The following TGFBR2 variants were observed in gnomAD, a reference collection of about 807,000 sequenced individuals.
The protein encoded by TGFBR2 is transforming growth factor beta receptor 2, also known as TGF-beta receptor type-2.
A neutral mutation model predicts 49.0 loss-of-function variants in TGFBR2; 18 were observed. That is an observed-to-expected ratio of 0.37 (90% CI 0.25 to 0.54). The LOEUF is 0.54. Ranked by LOEUF, TGFBR2 falls within the 20% of genes least tolerant of loss-of-function variation. The pLI is 0.85. For missense variants in TGFBR2, 525 were observed against 722.6 expected (o/e 0.73, Z 3.13); for synonymous variants, 282 against 275.9 (o/e 1.02, Z -0.22).
At chr3:30,667,307 C>T (rs1351775458) in intron 3 of TGFBR2, among the ~76,000 whole-genome samples, 1 of 152,172 alleles carries the variant, frequency 6.6e-6, no homozygotes, top group Non-Finnish European at 1.5e-5. Flanking sequence ...GAGATGCTGG[C>T]TTGTACCTAC....
At chr3:30,650,618 C>T (rs1698865246) in intron 3 of TGFBR2, among the ~76,000 whole-genome samples, 158 bp downstream of exon 3, 1 of 152,114 alleles carries the variant, frequency 6.6e-6, no homozygotes, top group Admixed American at 6.5e-5. Context: ...TGGGGAGTAG[C>T]AGGGTTTGTT....
chr3:30,652,919 GTCTT>G (rs1194061194), intron 3 of TGFBR2, among the ~76,000 whole-genome samples: 5 of 152,138 alleles, frequency 3.3e-5, no homozygotes, highest in Non-Finnish European at 7.3e-5. Context: ...CATTTTCAGA[GTCTT>G]TCAACTCAAG....
intron 1 of TGFBR2, among the ~76,000 whole-genome samples, chr3:30,615,310 G>T (rs532790300): frequency 6.6e-6 from 1 of 152,214 alleles, no homozygotes; most frequent in Admixed American, 6.5e-5. Context: ...TCTAGGAGAG[G>T]CCCTGGCAAT....
chr3:30,644,849 C>G lies in TGFBR2; in HGVS notation c.197C>G (p.Ser66Cys), dbSNP rs1301512235. The G allele has an allele frequency of 6.2e-7, 1 of 1,614,156 alleles. No homozygotes were observed. ...TTTTCCACCTGTGACAACCAGAAATCCTGCATGAGCAACTGCAGCATCACC... is the reference window on the plus strand; with the variant it reads ...TTTTCCACCTGTGACAACCAGAAATGCTGCATGAGCAACTGCAGCATCACC... ...VRFSTCDNQK[S>C]CMSNCSITSI... Residue 66 changes from serine (S) to cysteine (C), a missense_variant, in exon 2 of 7, where the codon TCC (serine) becomes TGC (cysteine). Coordinates refer to ENST00000295754, the MANE Select transcript of TGFBR2 (RefSeq NM_003242.6).
chr3:30,638,480 A>C (rs1024528329), intron 1 of TGFBR2, among the ~76,000 whole-genome samples: 3 of 152,198 alleles, frequency 2.0e-5, no homozygotes, highest in Non-Finnish European at 4.4e-5. Context: ...TTGGTACCCC[A>C]GAGACCATGT....
intron 1 of TGFBR2, among the ~76,000 whole-genome samples, chr3:30,632,460 A>G (rs1478252886): frequency 6.6e-6 from 1 of 152,230 alleles, no homozygotes; most frequent in Admixed American, 6.5e-5. Context: ...TATTGTAACG[A>G]TGATTGATTC....
rs532985595 is a variant in TGFBR2, at chr3:30,642,047, G to A, written c.95-2700G>A. ...ACTTGCATTTGTCAATACATCTGTG[G>A]CCACCACTGCTCCCAGCACCCATCT... On this transcript the variant is annotated intron_variant, in intron 1 of 6. Transcript: ENST00000295754. Among the ~76,000 whole-genome samples the A allele has an allele frequency of 3.3e-5, 5 of 152,040 alleles. No homozygotes were observed. In the South Asian group the frequency reaches 1.0e-3, roughly 32 times the overall value.
chr3:30,648,416 A>G (rs949357909), intron 2 of TGFBR2, among the ~76,000 whole-genome samples: 3 of 127,614 alleles, frequency 2.4e-5, no homozygotes, highest in Admixed American at 8.3e-5. Flanking sequence ...ACCAAAAACA[A>G]CCTACACACA....
intron 2 of TGFBR2, among the ~76,000 whole-genome samples, chr3:30,645,542 A>G (rs1698715572): frequency 6.9e-6 from 1 of 145,896 alleles, no homozygotes; most frequent in African/African-American, 2.6e-5. Flanking sequence ...CTAGAGTGCC[A>G]TGGCACAATC....
At chr3:30,642,165 C>T (rs1698658881) in intron 1 of TGFBR2, among the ~76,000 whole-genome samples, 1 of 152,072 alleles carries the variant, frequency 6.6e-6, no homozygotes, top group African/African-American at 2.4e-5. Context: ...CTGGCCAGCA[C>T]GGAGAAGAAT....
At chr3:30,622,940 A>G (rs1698260779) in intron 1 of TGFBR2, among the ~76,000 whole-genome samples, 2 of 151,272 alleles carry the variant, frequency 1.3e-5, no homozygotes, top group African/African-American at 2.4e-5. Context: ...AAGAGAAACT[A>G]GTACCAGGAA....
At position 30,611,582 on chromosome 3, in the gene TGFBR2, C is replaced by CTT. The variant is rs747840989; in HGVS notation, c.94+4618_94+4619dup. 1.5e-4 allele frequency among the ~76,000 whole-genome samples: 21 copies of CTT among 141,898 alleles called. 1 individual carries two copies. The highest frequency in any genetic ancestry group is 1.4e-3 in the East Asian group (7 of 4,938). 93.1% of individuals were successfully genotyped at this position (141,898 alleles called of 152,430 possible). A position where few individuals can be genotyped will look rare whatever the true frequency, so the allele number is the denominator to read the frequency against. ...AATTATCCAGTAGATACTGATTCCTCTTTTTTTTTTTTTTCATAGAAGGGT... is the reference window on the plus strand; with the variant it reads ...AATTATCCAGTAGATACTGATTCCTCTTTTTTTTTTTTTTTTCATAGAAGGGT... On this transcript the variant is annotated intron_variant, in intron 1 of 6. Coordinates refer to ENST00000295754, the MANE Select transcript of TGFBR2 (RefSeq NM_003242.6).
At chr3:30,615,322 T>C (rs186639951) in intron 1 of TGFBR2, among the ~76,000 whole-genome samples, 2 of 152,266 alleles carry the variant, frequency 1.3e-5, no homozygotes, top group East Asian at 1.9e-4. Context: ...CCTGGCAATG[T>C]GGTTAACAAG....
At chr3:30,659,194 A>G (rs1385527165) in intron 3 of TGFBR2, among the ~76,000 whole-genome samples, 1 of 152,238 alleles carries the variant, frequency 6.6e-6, no homozygotes, top group Admixed American at 6.5e-5. Flanking sequence ...TTCAAAAGAA[A>G]CAAACCAGAT....
At chr3:30,609,068 T>C (rs1433356914) in intron 1 of TGFBR2, among the ~76,000 whole-genome samples, 2 of 152,220 alleles carry the variant, frequency 1.3e-5, no homozygotes, top group African/African-American at 4.8e-5. Flanking sequence ...TTTTAAACAA[T>C]TAGCTTAAAA....
chr3:30,649,666 T>G (rs1409527210), intron 2 of TGFBR2, among the ~76,000 whole-genome samples: 1 of 152,222 alleles, frequency 6.6e-6, no homozygotes, highest in African/African-American at 2.4e-5. Context: ...TGGGAAAGAC[T>G]GCAGTTCTTT....
intron 1 of TGFBR2, among the ~76,000 whole-genome samples, chr3:30,617,082 GAAAAAAA>G (rs71093915): frequency 6.8e-6 from 1 of 147,120 alleles, no homozygotes; most frequent in Non-Finnish European, 1.5e-5. Context: ...TATTTTTTGG[GAAAAAAA>G]AAAAAGGAAA....
Position 30,650,380 on chromosome 3 carries a change from A to C in TGFBR2, c.374A>C (p.Glu125Ala). The C allele has an allele frequency of 6.6e-7, 1 of 1,524,304 alleles. No homozygotes were observed. Among genetic ancestry groups the C allele is most frequent in the Non-Finnish European group, 9.0e-7 (1 of 1,116,216 alleles). The allele number at this position is 1,524,304 out of a possible 1,614,324, so 94.4% of individuals were successfully genotyped here. Residue 125 changes from glutamate (E) to alanine (A), a missense_variant, in exon 3 of 7, where the codon GAA becomes GCA. Physicochemically the swap from Glu to Ala is moderately radical, Grantham distance 107. Transcript: ENST00000295754. ...GCTTCTCCAAAGTGCATTATGAAGG[A>C]AAAAAAAAAGCCTGGTGAGACTTTC... ...DAASPKCIMKEKKKPGETFFM... is the reference protein window; with the variant it reads ...DAASPKCIMKAKKKPGETFFM...
At chr3:30,687,978 A>G (rs1442175074) in intron 5 of TGFBR2, among the ~76,000 whole-genome samples, 1 of 152,140 alleles carries the variant, frequency 6.6e-6, no homozygotes, top group African/African-American at 2.4e-5. Context: ...CTCTTTGTAT[A>G]CTCTGGGCCT....
Sources: gnomAD v4.1 joint callset for allele counts (sites outside exome capture counted in the v4.1 genomes callset) on GRCh38, gnomAD v4.1.1 for gene constraint, MANE v1.5 for transcripts, NCBI Gene and HGNC (gene_info 2026-07-23, HGNC 2026-07-21) for gene names.